Variants in LCN2 observed in about 807,000 individuals in gnomAD.
LCN2 encodes lipocalin 2.
Under a neutral mutation model 26.4 loss-of-function variants are expected in LCN2, and 27 were observed. That is an observed-to-expected ratio of 1.02 (90% confidence interval 0.76 to 1.41). The LOEUF is 1.41. Ranked by LOEUF, LCN2 falls within the 40% of genes most tolerant of loss-of-function variation. The pLI, the probability that LCN2 is intolerant of heterozygous loss-of-function variation, is 0.00. For synonymous variants in LCN2, 94 were observed against 98.9 expected (o/e 0.95, Z 0.30); for missense variants, 224 against 237.6 (o/e 0.94, Z 0.38).
rs1301035257 is a variant in LCN2, at chr9:128,153,221, C to T, written c.*8-90C>T. On this transcript the variant is annotated intron_variant, in intron 6 of 6. Transcript: ENST00000277480. The surrounding 1 kb of genome is among the most constrained non-coding windows in gnomAD (Gnocchi z 5.4). ...CCTGCCTTTGCTCATCCCCCTGCCC[C>T]CCAGCACTGCTGCTGTCTTTATTCT... The T allele has an allele frequency of 8.5e-6, 12 of 1,412,112 alleles. No individual in the cohort carries two copies. The highest frequency in any genetic ancestry group is 5.0e-5 in the Admixed American group (3 of 59,600). The allele number at this position is 1,412,112 out of a possible 1,614,324, so 87.5% of individuals were successfully genotyped here.
intron 1 of LCN2, 47 bp from the exon 2 acceptor site, chr9:128,150,191 G>C (rs1243557464): frequency 6.3e-7 from 1 of 1,584,348 alleles, no homozygotes. Context: ...TGGAGGGGTG[G>C]CTCCTAGGGC....
chr9:128,150,147 G>A, intron 1 of LCN2, 91 bp from the exon 2 acceptor site: 1 of 1,518,542 alleles, frequency 6.6e-7, no homozygotes, highest in Non-Finnish European at 8.9e-7. Flanking sequence ...ATGGTTCCAA[G>A]CTGGGCGGCC....
In LCN2 at chr9:128,153,440, CAT is replaced by C; in HGVS notation, c.*138_*139del. ...AGCCCCACCTTGTCTGCTAAATAAA[CAT>C]GTGCCCTCAGGCCTCTGAGTCTACA... On this transcript the variant is annotated 3_prime_UTR_variant, in exon 7 of 7. Transcript: ENST00000277480. This position sits in a 1 kb window ranked among gnomAD's most constrained non-coding sequence, Gnocchi z 5.4. 1 of 489,662 alleles carries C rather than the reference CAT, an allele frequency of 2.0e-6. No homozygotes were observed. Among genetic ancestry groups the C allele is most frequent in the Non-Finnish European group, 3.8e-6 (1 of 265,180 alleles). The allele number at this position is 489,662 out of a possible 1,614,324, so 30.3% of individuals were successfully genotyped here. A position where few individuals can be genotyped will look rare whatever the true frequency, so the allele number is the denominator to read the frequency against.
intron 5 of LCN2, 116 bp downstream of exon 5, chr9:128,152,400 G>A (rs1053007958): frequency 6.7e-6 from 6 of 901,268 alleles, no homozygotes; most frequent in Non-Finnish European, 5.2e-6. Flanking sequence ...CACTGGAGCA[G>A]TGGATGGTCC....
At chr9:128,150,455 C>G (rs1025170143) in intron 2 of LCN2, 81 bp downstream of exon 2, 9 of 1,560,886 alleles carry the variant, frequency 5.8e-6, no homozygotes, top group Non-Finnish European at 7.1e-6. Flanking sequence ...GGGATCCTGT[C>G]GTTCACCTCG....
chr9:128,153,034 A>ACACACACACTCATACACG lies in LCN2; in HGVS notation c.578-56_578-39dup, dbSNP rs1829156437. On this transcript the variant is annotated intron_variant, in intron 5 of 6. Coordinates refer to ENST00000277480, the MANE Select transcript of LCN2 (RefSeq NM_005564.5). This position sits in a 1 kb window ranked among gnomAD's most constrained non-coding sequence, Gnocchi z 5.4. Reference sequence around the variant, plus strand: ...AGAGGACCTGGCAGTCAGGGATCACACACACACACTCATACACGCACACAC... The same window carrying ACACACACACTCATACACG: ...AGAGGACCTGGCAGTCAGGGATCACACACACACACTCATACACGCACACACACTCATACACGCACACAC... The ACACACACACTCATACACG allele has an allele frequency of 3.1e-6, 5 of 1,611,344 alleles. No homozygotes were observed. Among genetic ancestry groups the ACACACACACTCATACACG allele is most frequent in the Non-Finnish European group, 4.2e-6 (5 of 1,178,128 alleles).
intron 2 of LCN2, chr9:128,151,330 G>C: frequency 3.5e-6 from 2 of 563,782 alleles, no homozygotes; most frequent in Non-Finnish European, 6.5e-6. Flanking sequence ...GGGTGGCGGG[G>C]GGGGTGAAAG....
chr9:128,152,216 A>G lies in LCN2; in HGVS notation c.509A>G (p.Glu170Gly). The change falls in exon 5 of 7, where the codon GAG (glutamate) becomes GGG (glycine). Residue 170 changes from glutamate to glycine, a missense_variant. Physicochemically the swap from Glu to Gly is moderately conservative, Grantham distance 98 (BLOSUM62 -2). Transcript: ENST00000277480. ...AAGGAGCTGACTTCGGAACTAAAGG[A>G]GAACTTCATCCGCTTCTCCAAATCT... The part of the protein sequence containing the change: ...RTKELTSELK[E>G]NFIRFSKSLG... 6.2e-7 allele frequency: 1 copy of G among 1,614,140 alleles called. No individual in the cohort carries two copies. The highest frequency in any genetic ancestry group is 8.5e-7 in the Non-Finnish European group (1 of 1,180,012).
chr9:128,152,325 T>C (rs545538761), intron 5 of LCN2, 41 bp downstream of exon 5: 1 of 1,551,898 alleles, frequency 6.4e-7, no homozygotes, highest in South Asian at 1.1e-5. Flanking sequence ...ACATGGGGAC[T>C]GTTCAGGCAG....
chr9:128,153,012 G>A lies in LCN2; in HGVS notation c.578-88G>A. 2 of 1,598,514 alleles carry A rather than the reference G, an allele frequency of 1.3e-6. No homozygotes were observed. Among genetic ancestry groups the A allele is most frequent in the East Asian group, 2.2e-5 (1 of 44,784 alleles). On this transcript the variant is annotated intron_variant, in intron 5 of 6. Transcript: ENST00000277480. The surrounding 1 kb of genome is among the most constrained non-coding windows in gnomAD (Gnocchi z 5.4). ...AGGGGCTGCCCAGGGGCAGTGCAGA[G>A]GACCTGGCAGTCAGGGATCACACAC... is the stretch of plus-strand genomic sequence containing the variant.
intron 2 of LCN2, 97 bp from the exon 3 acceptor site, chr9:128,151,541 A>G: frequency 2.1e-6 from 2 of 971,752 alleles, no homozygotes; most frequent in Admixed American, 1.8e-5. Context: ...ACTGAGAGCA[A>G]CAGAACCCTG....
intron 3 of LCN2, 84 bp downstream of exon 3, chr9:128,151,801 ATG>A: frequency 6.5e-7 from 1 of 1,533,200 alleles, no homozygotes; most frequent in Non-Finnish European, 9.0e-7. Flanking sequence ...CTCCACACAG[ATG>A]TGTTGTATGG....
Position 128,152,214 on chromosome 9 carries a change from G to A in LCN2, c.507G>A (p.Lys169=). ...GRTKELTSEL[K]ENFIRFSKSL... ...CCAAGGAGCTGACTTCGGAACTAAA[G>A]GAGAACTTCATCCGCTTCTCCAAAT... Residue 169 remains lysine (K), a synonymous_variant, in exon 5 of 7, where the codon AAG becomes AAA. Coordinates refer to ENST00000277480, the MANE Select transcript of LCN2 (RefSeq NM_005564.5). 6.2e-7 allele frequency: 1 copy of A among 1,614,134 alleles called. No individual in the cohort carries two copies. The highest frequency in any genetic ancestry group is 8.5e-7 in the Non-Finnish European group (1 of 1,180,012).
In LCN2 at chr9:128,153,188, G is replaced by A. The variant is rs911746119; in HGVS notation, c.*7+62G>A. 8 of 1,596,700 alleles carry A rather than the reference G, an allele frequency of 5.0e-6. No homozygotes were observed. The African/African-American group carries it at 9.4e-5, about 19-fold the overall frequency. ...GAGGCCAGGGTGCAGTGGGCTGGGGGTCTTGGGCCTGCCTTTGCTCATCCC... is the reference window on the plus strand; with the variant it reads ...GAGGCCAGGGTGCAGTGGGCTGGGGATCTTGGGCCTGCCTTTGCTCATCCC... On this transcript the variant is annotated intron_variant, in intron 6 of 6. Transcript: ENST00000277480. This position sits in a 1 kb window ranked among gnomAD's most constrained non-coding sequence, Gnocchi z 5.4.
intron 2 of LCN2, chr9:128,151,341 C>A: frequency 3.6e-6 from 2 of 556,694 alleles, no homozygotes; most frequent in Non-Finnish European, 6.6e-6. Context: ...GGGGTGAAAG[C>A]CACCCAGGGA....
rs1348089823 is a variant in LCN2 at position 128,152,226 on chromosome 9, C to T, written c.519C>T (p.Ile173=). The T allele has an allele frequency of 6.2e-7, 1 of 1,614,130 alleles. No individual in the cohort carries two copies. The highest frequency in any genetic ancestry group is 1.1e-5 in the South Asian group (1 of 91,082). The part of the protein sequence containing the change: ...ELTSELKENF[I]RFSKSLGLPE... ...CTTCGGAACTAAAGGAGAACTTCAT[C>T]CGCTTCTCCAAATCTCTGGGCCTCC... Residue 173 remains isoleucine (I), a synonymous_variant, in exon 5 of 7, where the codon ATC becomes ATT. Transcript: ENST00000277480.
At position 128,151,723 on chromosome 9, in the gene LCN2, T is replaced by C; in HGVS notation, c.355+6T>C. The stretch of plus-strand genomic sequence containing the variant: ...CACGCTGGGCAACATTAAGAGTGAG[T>C]CTTGAGTGAGGTGGGGCACTGAGTT... On this transcript the variant is annotated splice_donor_region_variant and intron_variant, in intron 3 of 6. Transcript: ENST00000277480. 2 of 1,613,112 alleles carry C rather than the reference T, an allele frequency of 1.2e-6. No homozygotes were observed. Among genetic ancestry groups the C allele is most frequent in the South Asian group, 1.1e-5 (1 of 91,052 alleles).
At position 128,153,113 on chromosome 9, in the gene LCN2, C is replaced by T. The variant is rs774218688; in HGVS notation, c.591C>T (p.Asp197=). The change falls in exon 6 of 7, where the codon GAC becomes GAT. Residue 197 remains aspartate (D), a synonymous_variant. Transcript: ENST00000277480. The surrounding 1 kb of genome is among the most constrained non-coding windows in gnomAD (Gnocchi z 5.4). ...VFPVPIDQCI[D]G is the part of the protein sequence containing the mutation. ...TCTCCCTAACAGACCAGTGTATCGA[C>T]GGCTGAGTGCACAGTGAGTGTGGCT... 1.3e-5 allele frequency: 21 copies of T among 1,614,012 alleles called. No homozygotes were observed. Among genetic ancestry groups the T allele is most frequent in the South Asian group, 5.5e-5 (5 of 91,090 alleles).
In LCN2 at chr9:128,152,271, C is replaced by A; in HGVS notation, c.564C>A (p.Phe188Leu). ...SLGLPENHIVFPVPIDQCIDG is the reference protein window; with the variant it reads ...SLGLPENHIVLPVPIDQCIDG ...GCCTCCCTGAAAACCACATCGTCTT[C>A]CCTGTCCCAATCGGTAATGGCCAGT... The change falls in exon 5 of 7, where the codon TTC becomes TTA. Residue 188 changes from phenylalanine (F) to leucine (L), a missense_variant. By Grantham distance (22) the Phe-to-Leu change is conservative. Transcript: ENST00000277480. 1 of 1,613,978 alleles carries A rather than the reference C, an allele frequency of 6.2e-7. No individual in the cohort carries two copies. Among genetic ancestry groups the A allele is most frequent in the Non-Finnish European group, 8.5e-7 (1 of 1,179,974 alleles).
Sources: gnomAD v4.1 joint callset for allele counts on GRCh38, gnomAD v4.1.1 for gene constraint, Gnocchi (gnomAD v3.1) non-coding constraint, MANE v1.5 for transcripts, NCBI Gene and HGNC (gene_info 2026-07-23, HGNC 2026-07-21) for gene names.